The following BACH1 variants were observed in gnomAD, a reference collection of about 807,000 sequenced individuals.
BACH1 encodes BTB domain and CNC homolog 1, also known as transcription regulator protein BACH1.
Under a neutral mutation model 52.9 loss-of-function variants are expected in BACH1, and 35 were observed. The observed-to-expected ratio is 0.66, with a 90% CI of 0.51 to 0.88. The LOEUF is 0.88. Among genes scored for constraint, BACH1 ranks in the 40% least tolerant of loss-of-function variants. The pLI is 0.00. For missense variants in BACH1, 808 were observed against 872.6 expected, an observed-to-expected ratio of 0.93 and a Z score of 0.93; for synonymous variants, 321 against 319.6, an observed-to-expected ratio of 1.00 and a Z score of -0.05.
intron 2 of BACH1, among the ~76,000 whole-genome samples, chr21:29,355,337 G>T (rs1231478774): frequency 6.6e-6 from 1 of 152,172 alleles, no homozygotes; most frequent in African/African-American, 2.4e-5. Context: ...ACAGAGTGCT[G>T]ATTGGTGCGT....
chr21:29,299,996 C>T (rs1431893694), intron 1 of BACH1: 2 of 151,962 alleles, frequency 1.3e-5, no homozygotes, highest in Admixed American at 1.3e-4. Flanking sequence ...GGTGGAAATC[C>T]CAGATGTGTT....
chr21:29,331,099 GTTCT>G (rs1439678923), intron 4 of BACH1, among the ~76,000 whole-genome samples: 1 of 152,124 alleles, frequency 6.6e-6, no homozygotes, highest in Non-Finnish European at 1.5e-5. Context: ...AAACACTGGT[GTTCT>G]TTCTTATTCA....
chr21:29,307,762 T>C (rs1157326581), intron 1 of BACH1, among the ~76,000 whole-genome samples: 1 of 152,232 alleles, frequency 6.6e-6, no homozygotes, highest in Non-Finnish European at 1.5e-5. Flanking sequence ...CTGTGTATGT[T>C]GTTACAAGTA....
At chr21:29,335,523 TTC>T (rs777691881) in intron 4 of BACH1, among the ~76,000 whole-genome samples, 25 of 152,198 alleles carry the variant, frequency 1.6e-4, no homozygotes, top group Non-Finnish European at 2.6e-4. Flanking sequence ...TGTTCATTTT[TTC>T]TTGAGCTTCA....
chr21:29,357,600 GC>G (rs2089242684), intron 2 of BACH1, among the ~76,000 whole-genome samples: 1 of 152,142 alleles, frequency 6.6e-6, no homozygotes, highest in South Asian at 2.1e-4. Context: ...TATTTTGATA[GC>G]CTCTGACACT....
rs2088917165 is a variant in BACH1 at position 29,326,762 on chromosome 21, C to T, written c.938C>T (p.Ser313Phe). ...GAAGTGACTCCTTTCCCCCACAATT[C>T]TTCCATAGACCCTCATGGACTTTAT... ...KSEVTPFPHN[S>F]SIDPHGLYSL... Residue 313 changes from serine to phenylalanine, a missense_variant, in exon 3 of 5, where the codon TCT (serine) becomes TTT (phenylalanine). Coordinates refer to ENST00000286800, the MANE Select transcript of BACH1 (RefSeq NM_001186.4). 6.2e-7 allele frequency: 1 copy of T among 1,613,992 alleles called. No individual in the cohort carries two copies. Among genetic ancestry groups the T allele is most frequent in the Non-Finnish European group, 8.5e-7 (1 of 1,180,024 alleles).
chr21:29,351,809 A>G (rs2089203901), intron 2 of BACH1: 1 of 521,942 alleles, frequency 1.9e-6, no homozygotes. Flanking sequence ...AGCTGCTAAG[A>G]TAAGGTAGGA....
At chr21:29,300,078 G>T (rs1166963553) in intron 1 of BACH1, 1 of 152,216 alleles carries the variant, frequency 6.6e-6, no homozygotes, top group African/African-American at 2.4e-5. Context: ...CTTCTTCCTG[G>T]TCTTTGGGTA....
chr21:29,327,938 T>C (rs1187177169), intron 3 of BACH1, among the ~76,000 whole-genome samples: 1 of 152,268 alleles, frequency 6.6e-6, no homozygotes, highest in Non-Finnish European at 1.5e-5. Flanking sequence ...ACACATTGGC[T>C]GTGTTCACAC....
intron 4 of BACH1, among the ~76,000 whole-genome samples, chr21:29,330,226 G>T (rs2088964425): frequency 6.6e-6 from 1 of 152,178 alleles, no homozygotes; most frequent in Non-Finnish European, 1.5e-5. Flanking sequence ...GTGCAGTGGT[G>T]CGATCTCGGC....
chr21:29,313,282 C>G (rs1413957266), intron 1 of BACH1, among the ~76,000 whole-genome samples: 1 of 152,138 alleles, frequency 6.6e-6, no homozygotes, highest in African/African-American at 2.4e-5. Context: ...GGGATGGACA[C>G]GTCTTACGTA....
downstream of BACH1, among the ~76,000 whole-genome samples, chr21:29,347,167 G>C (rs2089174295): frequency 6.6e-6 from 1 of 152,204 alleles, no homozygotes; most frequent in African/African-American, 2.4e-5. Flanking sequence ...AAAAGTAGGT[G>C]AAGTCCATAT....
chr21:29,315,545 GGGCACTGCTTTTATAAAAAGGCT>G (rs2088775994), intron 1 of BACH1, among the ~76,000 whole-genome samples: 2 of 152,172 alleles, frequency 1.3e-5, no homozygotes, highest in Non-Finnish European at 2.9e-5. Flanking sequence ...CTGCAGATCA[GGGCACTGCTTTTATAAAAAGGCT>G]GGCACTTGCC....
At chr21:29,303,643 A>G (rs1298186543) in intron 1 of BACH1, among the ~76,000 whole-genome samples, 1 of 152,242 alleles carries the variant, frequency 6.6e-6, no homozygotes, top group South Asian at 2.1e-4. Context: ...ATCTCCTAAG[A>G]TAGACATAAA....
Position 29,326,064 on chromosome 21 carries a change from A to C in BACH1, c.240A>C (p.Thr80=), listed in dbSNP as rs1258299065. ...TTTATTTTGTGTATCAACAGGTGAC[A>C]GTTAAAGGATTTGAACCTTTAATTC... is the stretch of plus-strand genomic sequence containing the variant. ...ELNITLPEEV[T]VKGFEPLIQF... Residue 80 remains threonine (T), a synonymous_variant, in exon 3 of 5, where the codon ACA becomes ACC. Coordinates refer to ENST00000286800, the MANE Select transcript of BACH1 (RefSeq NM_001186.4). The C allele has an allele frequency of 6.2e-7, 1 of 1,600,368 alleles. No individual in the cohort carries two copies.
intron 4 of BACH1, among the ~76,000 whole-genome samples, chr21:29,331,324 A>G (rs997056138): frequency 1.3e-5 from 2 of 152,230 alleles, no homozygotes; most frequent in East Asian, 3.8e-4. Flanking sequence ...GCTATAATTT[A>G]TAGTAGTTCA....
At chr21:29,355,073 C>A (rs528972977) in intron 2 of BACH1, among the ~76,000 whole-genome samples, 1 of 152,212 alleles carries the variant, frequency 6.6e-6, no homozygotes. Flanking sequence ...GAGCGGGTTG[C>A]CCCTGCTGAC....
chr21:29,337,661 G>A (rs1212529218), intron 4 of BACH1, among the ~76,000 whole-genome samples: 2 of 152,126 alleles, frequency 1.3e-5, no homozygotes, highest in East Asian at 1.9e-4. Context: ...AGAACACTTG[G>A]ACACAGGGTG....
Position 29,344,713 on chromosome 21 carries a change from T to C in BACH1, c.*1880T>C, listed in dbSNP as rs1295764986. ...ATATCTCTCCATATAGGTATTTCTT[T>C]GATACTTGTAATTTTAAATTTCAGC... On this transcript the variant is annotated 3_prime_UTR_variant, in exon 5 of 5. Transcript: ENST00000286800. The C allele has an allele frequency of 6.6e-6, 1 of 152,368 alleles. No homozygotes were observed. The highest frequency in any genetic ancestry group is 1.5e-5 in the Non-Finnish European group (1 of 67,992). 9.4% of individuals were successfully genotyped at this position (152,368 alleles called of 1,614,324 possible).
Sources: allele counts gnomAD v4.1 joint callset (sites outside exome capture counted in the v4.1 genomes callset), GRCh38; gene constraint gnomAD v4.1.1; transcripts MANE v1.5; gene names NCBI Gene and HGNC (gene_info 2026-07-23, HGNC 2026-07-21).